Variants in SMURF1 observed in about 807,000 individuals in gnomAD.
SMURF1 encodes the protein E3 ubiquitin-protein ligase SMURF1.
In SMURF1, 44 loss-of-function variants were observed where a neutral mutation model predicts 98.0. That is an observed-to-expected ratio of 0.45 (90% CI 0.35 to 0.58). SMURF1 has a LOEUF of 0.58. Ranked by LOEUF, SMURF1 falls within the 20% of genes least tolerant of loss-of-function variation. SMURF1 has a pLI of 0.00. For synonymous variants in SMURF1, 396 were observed against 374.9 expected, an observed-to-expected ratio of 1.06 and a Z score of -0.65; for missense variants, 687 against 938.4, an observed-to-expected ratio of 0.73 and a Z score of 3.50.
intron 1 of SMURF1, among the ~76,000 whole-genome samples, chr7:99,074,040 A>G (rs1796394825): frequency 6.6e-6 from 1 of 152,226 alleles, no homozygotes. Context: ...GATCCTAACA[A>G]CACACACATT....
chr7:99,093,973 T>C (rs907228176), intron 1 of SMURF1, among the ~76,000 whole-genome samples: 7 of 152,170 alleles, frequency 4.6e-5, no homozygotes, highest in African/African-American at 1.7e-4. Flanking sequence ...ATAGCTCAGT[T>C]GAAATTTACG....
chr7:99,084,757 C>T (rs1430484430), intron 1 of SMURF1, among the ~76,000 whole-genome samples: 1 of 152,138 alleles, frequency 6.6e-6, no homozygotes, highest in Non-Finnish European at 1.5e-5. Context: ...ATACTCCCTC[C>T]CCGACCAAAT....
chr7:99,066,575 C>T (rs914008693), intron 1 of SMURF1, among the ~76,000 whole-genome samples: 6 of 152,026 alleles, frequency 3.9e-5, no homozygotes, highest in East Asian at 1.9e-4. Context: ...CTCAGGAGTT[C>T]GAGACCAGCC....
intron 1 of SMURF1, among the ~76,000 whole-genome samples, chr7:99,137,999 G>C (rs1014406411): frequency 2.0e-5 from 3 of 152,072 alleles, no homozygotes; most frequent in Non-Finnish European, 4.4e-5. Context: ...AGGGACTTTA[G>C]TCAGTCAGAA....
intron 1 of SMURF1, among the ~76,000 whole-genome samples, chr7:99,076,986 T>A (rs1463389073): frequency 1.3e-5 from 2 of 150,990 alleles, no homozygotes; most frequent in Non-Finnish European, 1.5e-5. Flanking sequence ...AAAAATAATG[T>A]CTATAATAAA....
intron 1 of SMURF1, among the ~76,000 whole-genome samples, chr7:99,102,990 A>C (rs573600844): frequency 6.6e-6 from 1 of 151,730 alleles, no homozygotes; most frequent in African/African-American, 2.4e-5. Context: ...CTTTAGGGGA[A>C]ATAGGTTCTC....
At chr7:99,072,512 G>A (rs922847501) in intron 1 of SMURF1, among the ~76,000 whole-genome samples, 14 of 152,154 alleles carry the variant, frequency 9.2e-5, no homozygotes, top group African/African-American at 3.1e-4. Flanking sequence ...GCGTGGTGGC[G>A]CAAGCCTATA....
rs1794835062 is a variant in SMURF1 at position 99,030,517 on chromosome 7, G to T, written c.*67C>A. On this transcript the variant is annotated 3_prime_UTR_variant, in exon 18 of 18. Coordinates refer to ENST00000361368, the MANE Select transcript of SMURF1 (RefSeq NM_181349.3). The stretch of plus-strand genomic sequence containing the variant: ...AGGGCCTCTGCCAGCTTTGCAGGAG[G>T]TGCACAGAAGCTGGATGCTTTTGGT... 1.5e-6 allele frequency: 2 copies of T among 1,308,660 alleles called. No homozygotes were observed. Among genetic ancestry groups the T allele is most frequent in the Non-Finnish European group, 2.2e-6 (2 of 906,790 alleles). 81.1% of individuals were successfully genotyped at this position (1,308,660 alleles called of 1,614,324 possible).
intron 8 of SMURF1, among the ~76,000 whole-genome samples, 168 bp downstream of exon 8, chr7:99,051,187 CCT>C (rs367706645): frequency 1.5e-3 from 227 of 152,280 alleles, no homozygotes; most frequent in African/African-American, 4.5e-3. Context: ...CAAATGTACC[CCT>C]GTCTACTCCC....
chr7:99,089,308 A>G (rs1796754283), intron 1 of SMURF1, among the ~76,000 whole-genome samples: 1 of 151,980 alleles, frequency 6.6e-6, no homozygotes, highest in Non-Finnish European at 1.5e-5. Context: ...CTAAACACAA[A>G]TTCAAATTGA....
intron 1 of SMURF1, among the ~76,000 whole-genome samples, chr7:99,071,674 T>G (rs927168979): frequency 3.3e-5 from 5 of 152,194 alleles, no homozygotes; most frequent in Admixed American, 3.3e-4. Context: ...CACCTTTGCT[T>G]TGGAAGGTAA....
chr7:99,036,991 C>G, intron 15 of SMURF1, 76 bp downstream of exon 15: 1 of 1,606,852 alleles, frequency 6.2e-7, no homozygotes, highest in African/African-American at 1.3e-5. Flanking sequence ...ACACTGCCCC[C>G]TGCAGCAAGG....
intron 1 of SMURF1, chr7:99,081,225 G>A (rs1584156644): frequency 6.6e-6 from 1 of 152,268 alleles, no homozygotes; most frequent in East Asian, 1.9e-4. Flanking sequence ...ATAAATCTTG[G>A]GTCAGGTACA....
chr7:99,081,732 G>T (rs979221076), intron 1 of SMURF1, among the ~76,000 whole-genome samples: 1 of 152,138 alleles, frequency 6.6e-6, no homozygotes, highest in African/African-American at 2.4e-5. Context: ...GGCTCACTGC[G>T]ATCTCTGCCT....
At chr7:99,117,091 T>TG (rs111749141) in intron 1 of SMURF1, among the ~76,000 whole-genome samples, 3,823 of 151,978 alleles carry the variant, frequency 0.025, 180 homozygotes, top group African/African-American at 0.084. Flanking sequence ...TACCATTCAA[T>TG]GGGGGAAAAG....
intron 1 of SMURF1, among the ~76,000 whole-genome samples, chr7:99,112,502 A>G (rs1231389959): frequency 6.6e-6 from 1 of 152,236 alleles, no homozygotes; most frequent in African/African-American, 2.4e-5. Flanking sequence ...TATAACAAGC[A>G]GCAACAATCC....
chr7:99,135,295 G>A (rs1364717095), intron 1 of SMURF1, among the ~76,000 whole-genome samples: 1 of 152,020 alleles, frequency 6.6e-6, no homozygotes, highest in Non-Finnish European at 1.5e-5. Context: ...TATTACAAAA[G>A]GCATATAATG....
intron 1 of SMURF1, among the ~76,000 whole-genome samples, chr7:99,086,167 G>T (rs1262937424): frequency 6.6e-6 from 1 of 151,982 alleles, no homozygotes; most frequent in Non-Finnish European, 1.5e-5. Context: ...CCAACATGGT[G>T]AAACTCCGTC....
chr7:99,073,847 A>C (rs971041344), intron 1 of SMURF1, among the ~76,000 whole-genome samples: 10 of 152,032 alleles, frequency 6.6e-5, no homozygotes, highest in Non-Finnish European at 1.5e-4. Flanking sequence ...ATACATGCTC[A>C]CCATGTAGTA....
Sources: allele counts gnomAD v4.1 joint callset (sites outside exome capture counted in the v4.1 genomes callset), GRCh38; gene constraint gnomAD v4.1.1; transcripts MANE v1.5; gene names NCBI Gene and HGNC (gene_info 2026-07-23, HGNC 2026-07-21).